Variants in LRRTM3 observed in about 807,000 individuals in gnomAD.
The protein encoded by LRRTM3 is leucine-rich repeat transmembrane neuronal protein 3.
LRRTM3 carries 24 observed loss-of-function variants against 44.7 expected under a neutral mutation model. That is an observed-to-expected ratio of 0.54 (90% CI 0.39 to 0.76). The LOEUF is 0.76. LRRTM3 is among the 30% of genes least tolerant of loss of function. The pLI is 0.00. For missense variants in LRRTM3, 587 were observed against 702.2 expected (o/e 0.84, Z 1.85); for synonymous variants, 277 against 278.7 (o/e 0.99, Z 0.06).
intron 2 of LRRTM3, among the ~76,000 whole-genome samples, chr10:66,929,092 A>C (rs1288561415): frequency 6.6e-6 from 1 of 152,202 alleles, no homozygotes; most frequent in Non-Finnish European, 1.5e-5. Flanking sequence ...GAAGGGTTAA[A>C]ATACTGCAAG....
intron 2 of LRRTM3, among the ~76,000 whole-genome samples, chr10:66,942,126 A>G (rs566640232): frequency 1.9e-4 from 29 of 152,140 alleles, no homozygotes; most frequent in Non-Finnish European, 4.0e-4. Flanking sequence ...TTGAGATAAC[A>G]TATGTTTGCA....
chr10:67,026,103 T>A (rs1853365698), intron 2 of LRRTM3, among the ~76,000 whole-genome samples: 1 of 134,190 alleles, frequency 7.5e-6, no homozygotes, highest in Admixed American at 7.7e-5. Flanking sequence ...CTCTGGGGAC[T>A]GTTGTGGGGT....
intron 2 of LRRTM3, among the ~76,000 whole-genome samples, chr10:67,072,963 G>C (rs966985409): frequency 1.1e-4 from 16 of 152,106 alleles, no homozygotes; most frequent in Non-Finnish European, 2.1e-4. Context: ...GATCCCTCAA[G>C]TCTCCAGTTT....
At chr10:66,945,461 C>A (rs1048031908) in intron 2 of LRRTM3, among the ~76,000 whole-genome samples, 2 of 152,286 alleles carry the variant, frequency 1.3e-5, no homozygotes, top group South Asian at 4.1e-4. Context: ...GGGCTTTACT[C>A]TGGATTAGGC....
chr10:67,008,234 C>T (rs1249594383), intron 2 of LRRTM3, among the ~76,000 whole-genome samples: 2 of 151,856 alleles, frequency 1.3e-5, no homozygotes, highest in Non-Finnish European at 1.5e-5. Context: ...AAGAAATGAA[C>T]ATATTAATGT....
At chr10:67,075,523 A>AC (rs1856703670) in intron 2 of LRRTM3, among the ~76,000 whole-genome samples, 1 of 152,182 alleles carries the variant, frequency 6.6e-6, no homozygotes. Context: ...AGATTCTCCA[A>AC]CGTCACGAGA....
At chr10:67,009,035 T>A (rs1483741899) in intron 2 of LRRTM3, among the ~76,000 whole-genome samples, 1 of 152,188 alleles carries the variant, frequency 6.6e-6, no homozygotes, top group Non-Finnish European at 1.5e-5. Flanking sequence ...TGGTATTTAA[T>A]AAACCTGTGG....
At chr10:66,969,665 T>A in intron 2 of LRRTM3, among the ~76,000 whole-genome samples, 1 of 152,172 alleles carries the variant, frequency 6.6e-6, no homozygotes, top group East Asian at 1.9e-4. Context: ...ACTAGAAATT[T>A]TAAGATCTCT....
Position 67,097,956 on chromosome 10 carries a change from C to T in LRRTM3, c.*160C>T, listed in dbSNP as rs1431460042. 2 of 650,972 alleles carry T rather than the reference C, an allele frequency of 3.1e-6. No homozygotes were observed. The highest frequency in any genetic ancestry group is 5.2e-6 in the Non-Finnish European group (2 of 381,006). The allele number at this position is 650,972 out of a possible 1,614,324, so 40.3% of individuals were successfully genotyped here. On this transcript the variant is annotated 3_prime_UTR_variant, in exon 3 of 3. Coordinates refer to ENST00000361320, the MANE Select transcript of LRRTM3 (RefSeq NM_178011.5). The stretch of plus-strand genomic sequence containing the variant: ...AGATTGATTCATGAAATAAAGAAGA[C>T]ATGAATTGTTTTAAGTCTACACTTT...
chr10:67,008,744 C>A (rs1852156179), intron 2 of LRRTM3, among the ~76,000 whole-genome samples: 1 of 152,136 alleles, frequency 6.6e-6, no homozygotes, highest in Non-Finnish European at 1.5e-5. Context: ...CTAGCTCAGG[C>A]ATATTCACAA....
intron 2 of LRRTM3, among the ~76,000 whole-genome samples, chr10:66,932,827 A>T (rs1286245092): frequency 2.0e-5 from 3 of 152,196 alleles, no homozygotes; most frequent in African/African-American, 7.2e-5. Flanking sequence ...ACTACCAATA[A>T]AATCTAAATA....
chr10:67,040,809 CAT>C (rs1182031837), intron 2 of LRRTM3, among the ~76,000 whole-genome samples: 1 of 152,060 alleles, frequency 6.6e-6, no homozygotes, highest in Non-Finnish European at 1.5e-5. Flanking sequence ...AATTATACCA[CAT>C]GATGTTAAAT....
intron 2 of LRRTM3, among the ~76,000 whole-genome samples, chr10:66,949,490 G>A (rs1277577225): frequency 6.6e-6 from 1 of 151,896 alleles, no homozygotes; most frequent in African/African-American, 2.4e-5. Context: ...CCCAGGAGGC[G>A]GAGGTTGCAG....
intron 2 of LRRTM3, among the ~76,000 whole-genome samples, chr10:66,975,326 T>C (rs759585196): frequency 1.3e-5 from 2 of 152,214 alleles, no homozygotes; most frequent in Non-Finnish European, 2.9e-5. Context: ...TGCATGCTGC[T>C]GTCTTTTGCA....
intron 2 of LRRTM3, among the ~76,000 whole-genome samples, chr10:67,079,898 CACACACACACAA>C (rs1856960841): frequency 8.7e-6 from 1 of 115,522 alleles, no homozygotes; most frequent in Non-Finnish European, 1.9e-5. Context: ...CACACACACA[CACACACACACAA>C]AGATAGTCAC....
chr10:66,929,124 G>A (rs919130570), intron 2 of LRRTM3, among the ~76,000 whole-genome samples: 3 of 152,178 alleles, frequency 2.0e-5, no homozygotes, highest in Non-Finnish European at 4.4e-5. Context: ...AAAATGTGAG[G>A]AGATGACAAA....
intron 2 of LRRTM3, among the ~76,000 whole-genome samples, chr10:67,094,729 TCTTA>T (rs1446037602): frequency 1.3e-5 from 2 of 151,744 alleles, no homozygotes; most frequent in Admixed American, 6.6e-5. Context: ...TAAAAAATTA[TCTTA>T]CTTGACATTC....
intron 2 of LRRTM3, among the ~76,000 whole-genome samples, chr10:67,089,678 C>T (rs1437471143): frequency 3.3e-5 from 5 of 150,226 alleles, no homozygotes. Context: ...TATAGTTAGT[C>T]GAATCAGCCA....
Position 67,018,548 on chromosome 10 carries a change from C to T in LRRTM3, c.1537-79039C>T, listed in dbSNP as rs565555235. Among the ~76,000 whole-genome samples the T allele has an allele frequency of 1.3e-3, 202 of 152,270 alleles. 1 individual carries two copies. The highest frequency in any genetic ancestry group is 4.8e-3 in the African/African-American group (198 of 41,562). Reference sequence around the variant, plus strand: ...ACCTTTAAATAAGGTTTCAATTCAACTGGTGAGAGCAGTAATAGACAGACC... The same window carrying T: ...ACCTTTAAATAAGGTTTCAATTCAATTGGTGAGAGCAGTAATAGACAGACC... On this transcript the variant is annotated intron_variant, in intron 2 of 2. Coordinates refer to ENST00000361320, the MANE Select transcript of LRRTM3 (RefSeq NM_178011.5).
Sources: gnomAD v4.1 joint callset for allele counts (sites outside exome capture counted in the v4.1 genomes callset) on GRCh38, gnomAD v4.1.1 for gene constraint, MANE v1.5 for transcripts, NCBI Gene and HGNC (gene_info 2026-07-23, HGNC 2026-07-21) for gene names.